CNTN5: variants seen among roughly 807,000 people sequenced by gnomAD.
The protein encoded by CNTN5 is contactin 5, also known as contactin-5.
Under a neutral mutation model 129.1 loss-of-function variants are expected in CNTN5, and 77 were observed. The observed-to-expected ratio is 0.60, with a 90% CI of 0.50 to 0.72. The LOEUF (loss-of-function observed/expected upper bound fraction) is 0.72, where lower values mean the gene tolerates loss of function less well. Among genes scored for constraint, CNTN5 ranks in the 30% least tolerant of loss-of-function variants. The probability of loss-of-function intolerance (pLI) is 0.00; values close to 1 mark genes in which losing one functional copy is unlikely to be tolerated. For missense variants in CNTN5, 1,478 were observed against 1,328.8 expected (o/e 1.11, Z -1.75); for synonymous variants, 509 against 465.6 (o/e 1.09, Z -1.20).
At chr11:99,026,287 CCTT>C (rs1465711523) in intron 1 of CNTN5, among the ~76,000 whole-genome samples, 2 of 151,362 alleles carry the variant, frequency 1.3e-5, no homozygotes, top group African/African-American at 2.4e-5. Flanking sequence ...TATTTTAAAA[CCTT>C]CTTCTTCATA....
intron 13 of CNTN5, among the ~76,000 whole-genome samples, chr11:100,089,422 G>A (rs1053559694): frequency 6.6e-6 from 1 of 152,116 alleles, no homozygotes; most frequent in Non-Finnish European, 1.5e-5. Flanking sequence ...TGCTTGTTGG[G>A]CTGTGGAGAA....
chr11:99,938,624 T>C (rs1001273367), intron 7 of CNTN5, among the ~76,000 whole-genome samples: 3 of 152,122 alleles, frequency 2.0e-5, no homozygotes, highest in African/African-American at 2.4e-5. Flanking sequence ...TGTCCTGATA[T>C]ATAGAATTGT....
intron 1 of CNTN5, among the ~76,000 whole-genome samples, chr11:99,241,949 A>G (rs1013796802): frequency 1.1e-4 from 16 of 152,036 alleles, no homozygotes; most frequent in South Asian, 6.2e-4. Flanking sequence ...CACACACACA[A>G]TTTATCTTTA....
At chr11:100,005,650 C>T (rs1940145236) in intron 9 of CNTN5, among the ~76,000 whole-genome samples, 1 of 151,952 alleles carries the variant, frequency 6.6e-6, no homozygotes, top group Admixed American at 6.6e-5. Context: ...ACATGACAAC[C>T]CCAAAAAACT....
intron 2 of CNTN5, among the ~76,000 whole-genome samples, chr11:99,367,112 A>G (rs1019642866): frequency 6.6e-6 from 1 of 152,208 alleles, no homozygotes; most frequent in Non-Finnish European, 1.5e-5. Flanking sequence ...ATTCTAAAAT[A>G]CATTTTAAGG....
intron 8 of CNTN5, among the ~76,000 whole-genome samples, chr11:99,967,099 A>G (rs796356373): frequency 1.8e-4 from 28 of 152,302 alleles, no homozygotes; most frequent in African/African-American, 6.7e-4. Context: ...GACTAAATAA[A>G]GAGAGGATAT....
Position 99,649,002 on chromosome 11 carries a change from C to T in CNTN5, c.55+92733C>T, listed in dbSNP as rs559540214. 2.0e-5 allele frequency among the ~76,000 whole-genome samples: 3 copies of T among 151,606 alleles called. No individual in the cohort carries two copies. The South Asian group carries it at 6.2e-4, about 32-fold the overall frequency. On this transcript the variant is annotated intron_variant, in intron 3 of 24. Coordinates refer to ENST00000524871, the MANE Select transcript of CNTN5 (RefSeq NM_014361.4). The stretch of plus-strand genomic sequence containing the variant: ...GTTATAGTATTCTATAACACTATGG[C>T]ATAACTATAGTCAAGAAAATACCAA...
intron 2 of CNTN5, among the ~76,000 whole-genome samples, chr11:99,358,195 T>C (rs1183633640): frequency 2.4e-5 from 3 of 127,544 alleles, no homozygotes; most frequent in Non-Finnish European, 5.0e-5. Flanking sequence ...TTCACGCCAT[T>C]CTCCTGCCTC....
chr11:100,308,594 G>T, intron 21 of CNTN5, 126 bp downstream of exon 21: 5 of 1,406,978 alleles, frequency 3.6e-6, no homozygotes, highest in Non-Finnish European at 4.6e-6. Flanking sequence ...CTATGTTAAA[G>T]AAACTAAGAA....
chr11:99,757,528 C>A (rs1944442770), intron 3 of CNTN5, among the ~76,000 whole-genome samples: 1 of 150,252 alleles, frequency 6.7e-6, no homozygotes, highest in Admixed American at 6.6e-5. Context: ...CAGTCTGTTT[C>A]TGTTTTCTCT....
intron 1 of CNTN5, among the ~76,000 whole-genome samples, chr11:99,101,589 T>A (rs908759470): frequency 2.0e-5 from 3 of 152,236 alleles, no homozygotes; most frequent in Non-Finnish European, 4.4e-5. Flanking sequence ...ACAGGCCCTA[T>A]GCCAGTTTAA....
At chr11:99,575,404 T>G (rs1168541432) in intron 3 of CNTN5, among the ~76,000 whole-genome samples, 1 of 152,294 alleles carries the variant, frequency 6.6e-6, no homozygotes, top group South Asian at 2.1e-4. Flanking sequence ...GAGGAACTGC[T>G]TGTGGTCATT....
chr11:99,541,242 C>T (rs959258712), intron 2 of CNTN5, among the ~76,000 whole-genome samples: 16 of 152,268 alleles, frequency 1.1e-4, no homozygotes, highest in African/African-American at 3.8e-4. Context: ...TAGTGTAGAG[C>T]TTCCATTGAA....
At chr11:99,648,237 C>T (rs1026051998) in intron 3 of CNTN5, among the ~76,000 whole-genome samples, 7 of 152,002 alleles carry the variant, frequency 4.6e-5, no homozygotes, top group African/African-American at 1.7e-4. Context: ...TATTGATTTG[C>T]ATATCATGAA....
intron 7 of CNTN5, among the ~76,000 whole-genome samples, chr11:99,921,397 A>T (rs180751072): frequency 8.5e-4 from 129 of 152,250 alleles, no homozygotes; most frequent in African/African-American, 2.8e-3. Context: ...CTAGGCCTGG[A>T]TCATGTATAT....
chr11:99,492,989 T>C (rs1469896022), intron 2 of CNTN5, among the ~76,000 whole-genome samples: 1 of 152,182 alleles, frequency 6.6e-6, no homozygotes, highest in Non-Finnish European at 1.5e-5. Flanking sequence ...TATGGACTCC[T>C]TTAAAGGAAG....
chr11:99,834,833 T>C (rs1207882422), intron 4 of CNTN5, among the ~76,000 whole-genome samples: 2 of 152,154 alleles, frequency 1.3e-5, no homozygotes, highest in Non-Finnish European at 2.9e-5. Flanking sequence ...GATTTTATAA[T>C]TTACAAGTTT....
At chr11:99,283,929 T>C (rs1863812715) in intron 1 of CNTN5, among the ~76,000 whole-genome samples, 1 of 152,124 alleles carries the variant, frequency 6.6e-6, no homozygotes, top group African/African-American at 2.4e-5. Context: ...GAGCAGTACA[T>C]TAACCTTGCA....
chr11:99,921,715 A>G (rs904456717), intron 7 of CNTN5, among the ~76,000 whole-genome samples: 1 of 152,140 alleles, frequency 6.6e-6, no homozygotes, highest in Non-Finnish European at 1.5e-5. Flanking sequence ...TTATTACCCC[A>G]TTGCCTAGGA....
Sources: gnomAD v4.1 joint callset for allele counts (sites outside exome capture counted in the v4.1 genomes callset) on GRCh38, gnomAD v4.1.1 for gene constraint, MANE v1.5 for transcripts, NCBI Gene and HGNC (gene_info 2026-07-23, HGNC 2026-07-21) for gene names.